The following DOCK7 variants were observed in gnomAD, a reference collection of about 807,000 sequenced individuals.
DOCK7 encodes the protein dedicator of cytokinesis protein 7.
In DOCK7, 138 loss-of-function variants were observed where a neutral mutation model predicts 271.0. That is an observed-to-expected ratio of 0.51 (90% CI 0.44 to 0.59). The LOEUF is 0.59. DOCK7 is among the 20% of genes least tolerant of loss of function. DOCK7 has a pLI of 0.00. For missense variants in DOCK7, 2,066 were observed against 2,592.4 expected (o/e 0.80, Z 4.41); for synonymous variants, 823 against 876.1 (o/e 0.94, Z 1.07).
At chr1:62,549,579 C>T (rs763495111) in intron 22 of DOCK7, among the ~76,000 whole-genome samples, 1 of 152,050 alleles carries the variant, frequency 6.6e-6, no homozygotes, top group Non-Finnish European at 1.5e-5. Flanking sequence ...AAAGATGTAT[C>T]ATGTGTACTA....
chr1:62,639,426 C>CTTTTTTTTTTTTTTTTT lies in DOCK7; in HGVS notation c.819-2840_819-2824dup, dbSNP rs386367151. ...AACTTAGTGCAAACTTTGTAATACT[C>CTTTTTTTTTTTTTTTTT]TTTTTTTTTTTTTTTTTTTTTTTTT... On this transcript the variant is annotated intron_variant, in intron 7 of 49. Transcript: ENST00000635253. 1.3e-4 allele frequency among the ~76,000 whole-genome samples: 10 copies of CTTTTTTTTTTTTTTTTT among 75,864 alleles called. 3 individuals are homozygous for CTTTTTTTTTTTTTTTTT. The highest frequency in any genetic ancestry group is 5.9e-4 in the African/African-American group (10 of 17,006). The allele number at this position is 75,864 out of a possible 152,430, so 49.8% of individuals were successfully genotyped here.
chr1:62,514,002 T>A, intron 31 of DOCK7, 104 bp from the exon 32 acceptor site: 1 of 990,182 alleles, frequency 1.0e-6, no homozygotes, highest in Non-Finnish European at 1.5e-6. Flanking sequence ...AAAAGTTGCT[T>A]AAAAATAATA....
intron 37 of DOCK7, among the ~76,000 whole-genome samples, chr1:62,500,124 T>C (rs1163148820): frequency 6.6e-6 from 1 of 152,044 alleles, no homozygotes; most frequent in East Asian, 1.9e-4. Flanking sequence ...AGTAAAAAGG[T>C]AAGGAAGAGC....
chr1:62,590,655 G>C (rs1406229718), intron 14 of DOCK7, among the ~76,000 whole-genome samples: 1 of 152,016 alleles, frequency 6.6e-6, no homozygotes, highest in Non-Finnish European at 1.5e-5. Context: ...ACAAGGACCT[G>C]GGATTAAAGA....
In DOCK7 at chr1:62,599,018, C is replaced by T. The variant is rs139496612; in HGVS notation, c.1683-12394G>A. 3.6e-4 allele frequency among the ~76,000 whole-genome samples: 55 copies of T among 152,168 alleles called. No individual in the cohort carries two copies. In the East Asian group the frequency reaches 9.1e-3, roughly 25 times the overall value. ...TGACCTTGAATAAATTACTTCACCC[C>T]TTTATCTCTCAGTTTCCTCACATAT... On this transcript the variant is annotated intron_variant, in intron 14 of 49. Coordinates refer to ENST00000635253, the MANE Select transcript of DOCK7 (RefSeq NM_001367561.1).
chr1:62,618,292 C>T (rs1482095022), intron 14 of DOCK7, among the ~76,000 whole-genome samples: 1 of 152,046 alleles, frequency 6.6e-6, no homozygotes, highest in Non-Finnish European at 1.5e-5. Context: ...TTGTGTAATG[C>T]TAGATTCTGC....
intron 1 of DOCK7, among the ~76,000 whole-genome samples, chr1:62,670,895 G>T (rs1359930833): frequency 6.6e-6 from 1 of 152,138 alleles, no homozygotes; most frequent in Non-Finnish European, 1.5e-5. Context: ...TTCGCTCTTT[G>T]CAATAAATCT....
chr1:62,489,622 T>C (rs552168982), intron 41 of DOCK7, among the ~76,000 whole-genome samples: 1 of 152,314 alleles, frequency 6.6e-6, no homozygotes, highest in African/African-American at 2.4e-5. Flanking sequence ...TATATTAATA[T>C]ATATACATAC....
chr1:62,553,398 C>A (rs1646023046), intron 21 of DOCK7, among the ~76,000 whole-genome samples: 1 of 1,988 alleles, frequency 5.0e-4, no homozygotes, highest in Non-Finnish European at 2.3e-3. Flanking sequence ...TAGGCAGGTG[C>A]CATTTTTTTT....
At chr1:62,676,571 G>C (rs1016057608) in intron 1 of DOCK7, among the ~76,000 whole-genome samples, 2 of 152,018 alleles carry the variant, frequency 1.3e-5, no homozygotes, top group African/African-American at 2.4e-5. Flanking sequence ...GATCTGGGTT[G>C]GAACTGCTCT....
At chr1:62,630,540 T>C (rs1027960445) in intron 11 of DOCK7, among the ~76,000 whole-genome samples, 6 of 152,106 alleles carry the variant, frequency 3.9e-5, no homozygotes, top group African/African-American at 1.2e-4. Context: ...TACCTTACGC[T>C]GCTACCACTT....
At chr1:62,458,273 G>A (rs564244613) in intron 48 of DOCK7, 2 of 152,382 alleles carry the variant, frequency 1.3e-5, no homozygotes, top group African/African-American at 4.8e-5. Context: ...TCACCATGAT[G>A]AGGACATTTA....
intron 48 of DOCK7, among the ~76,000 whole-genome samples, chr1:62,459,773 C>T (rs1461599268): frequency 2.6e-5 from 4 of 151,928 alleles, no homozygotes; most frequent in African/African-American, 4.8e-5. Context: ...GACCAATACC[C>T]GAATGTAATG....
rs1267692063 is a variant in DOCK7, at chr1:62,539,891, A to G, written c.3047T>C (p.Val1016Ala). ...GTATAAATGGTGCACCATGCTCTTT[A>G]CCTGAAAAAAAGATATAAATTATTA... is the stretch of plus-strand genomic sequence containing the variant. ...QQAWFFFELM[V>A]KSMVHHLYFN... The change falls in exon 26 of 50, where the codon GTA (valine) becomes GCA (alanine). Residue 1016 changes from valine to alanine, a missense_variant and splice_region_variant. This residue lies in a region of DOCK7 where 1,414 missense variants were observed against 1,670.4 expected (regional missense o/e 0.85). Transcript: ENST00000635253. The G allele has an allele frequency of 6.3e-7, 1 of 1,577,712 alleles. No homozygotes were observed. The highest frequency in any genetic ancestry group is 1.4e-5 in the African/African-American group (1 of 73,194).
chr1:62,482,494 C>T (rs765079085), intron 43 of DOCK7: 1 of 152,140 alleles, frequency 6.6e-6, no homozygotes, highest in African/African-American at 2.4e-5. Context: ...ACCACCATGT[C>T]CGGCTAATTT....
At chr1:62,568,085 A>T (rs1281006178) in intron 18 of DOCK7, among the ~76,000 whole-genome samples, 1 of 152,168 alleles carries the variant, frequency 6.6e-6, no homozygotes, top group Non-Finnish European at 1.5e-5. Context: ...TTAAATTAGA[A>T]CTCAAAGAAA....
chr1:62,537,329 T>TC (rs1446212680), intron 28 of DOCK7, among the ~76,000 whole-genome samples: 1 of 151,964 alleles, frequency 6.6e-6, no homozygotes, highest in East Asian at 1.9e-4. Context: ...ATGCCTGTAA[T>TC]CCCAGCACTT....
At position 62,485,709 on chromosome 1, in the gene DOCK7, GAGAGA is replaced by G; in HGVS notation, c.5508+1684_5508+1688del. 4 of 983,574 alleles carry G rather than the reference GAGAGA, an allele frequency of 4.1e-6. No individual in the cohort carries two copies. In the South Asian group the frequency reaches 1.4e-4, roughly 35 times the overall value. 60.9% of individuals were successfully genotyped at this position (983,574 alleles called of 1,614,324 possible). On this transcript the variant is annotated intron_variant, in intron 43 of 49. Transcript: ENST00000635253. ...GAGTAGGGTCAGCAACCAGGGACAA[GAGAGA>G]AGAGAAAACAGAAAGCATTTTAATT... is the stretch of plus-strand genomic sequence containing the variant.
rs1278934123 is a variant in DOCK7 at position 62,602,145 on chromosome 1, T to C, written c.1683-15521A>G. On this transcript the variant is annotated intron_variant, in intron 14 of 49. Coordinates refer to ENST00000635253, the MANE Select transcript of DOCK7 (RefSeq NM_001367561.1). ...TTTCACTTAACTTTTGGGACCATAATAAATAATAAAATGTATTGCCATAAC... is the reference window on the plus strand; with the variant it reads ...TTTCACTTAACTTTTGGGACCATAACAAATAATAAAATGTATTGCCATAAC... 6 of 734,628 alleles carry C rather than the reference T, an allele frequency of 8.2e-6. No homozygotes were observed. In the East Asian group the frequency reaches 1.6e-4, roughly 20 times the overall value. 45.5% of individuals were successfully genotyped at this position (734,628 alleles called of 1,614,324 possible). A position where few individuals can be genotyped will look rare whatever the true frequency, so the allele number is the denominator to read the frequency against.
Sources: allele counts gnomAD v4.1 joint callset (sites outside exome capture counted in the v4.1 genomes callset), GRCh38; gene constraint gnomAD v4.1.1; regional missense constraint gnomAD v4.1.1; transcripts MANE v1.5; gene names NCBI Gene and HGNC (gene_info 2026-07-23, HGNC 2026-07-21).